Variants in PPL observed in about 807,000 individuals in gnomAD.
PPL encodes the protein periplakin.
A neutral mutation model predicts 194.4 loss-of-function variants in PPL; 198 were observed. That is an observed-to-expected ratio of 1.02 (90% CI 0.91 to 1.15). PPL has a LOEUF of 1.15. Ranked by LOEUF, PPL falls within the 50% of genes most tolerant of loss-of-function variation. PPL has a pLI of 0.00. For missense variants in PPL, 2,885 were observed against 2,294.8 expected (o/e 1.26, Z -5.25); for synonymous variants, 1,220 against 972.4 (o/e 1.25, Z -4.74).
At chr16:4,926,261 C>A (rs774066099) in intron 1 of PPL, among the ~76,000 whole-genome samples, 1 of 152,172 alleles carries the variant, frequency 6.6e-6, no homozygotes, top group Non-Finnish European at 1.5e-5. Flanking sequence ...ACTGCTGCAG[C>A]CCCAACTGGG....
chr16:4,924,475 A>T (rs1362893584), intron 1 of PPL, among the ~76,000 whole-genome samples: 1 of 152,146 alleles, frequency 6.6e-6, no homozygotes, highest in Non-Finnish European at 1.5e-5. Flanking sequence ...AGGAAAGCTG[A>T]TGGGCGCTCA....
intron 1 of PPL, among the ~76,000 whole-genome samples, chr16:4,923,131 G>C (rs1029562660): frequency 1.3e-5 from 2 of 152,192 alleles, no homozygotes; most frequent in African/African-American, 2.4e-5. Context: ...AACTGCAGAA[G>C]GGGAGGGTGG....
intron 20 of PPL, among the ~76,000 whole-genome samples, chr16:4,887,887 C>G (rs562194941): frequency 2.6e-5 from 4 of 152,212 alleles, no homozygotes; most frequent in Non-Finnish European, 5.9e-5. Flanking sequence ...TGAGCCACTG[C>G]GCCCGGCCTT....
chr16:4,901,168 G>T (rs1273703083), intron 4 of PPL, 79 bp from the exon 5 acceptor site: 9 of 1,508,104 alleles, frequency 6.0e-6, no homozygotes, highest in Non-Finnish European at 8.1e-6. Context: ...GGAGCCTCGG[G>T]GGTGGGCATG....
In PPL at chr16:4,889,294, G is replaced by A. The variant is rs548891202; in HGVS notation, c.2314-233C>T. Among the ~76,000 whole-genome samples the A allele has an allele frequency of 4.3e-5, 5 of 115,928 alleles. No homozygotes were observed. In the East Asian group the frequency reaches 8.1e-4, roughly 19 times the overall value. 76.1% of individuals were successfully genotyped at this position (115,928 alleles called of 152,430 possible). The stretch of plus-strand genomic sequence containing the variant: ...TTTTTTGAGACAGTCTCACTGCATC[G>A]CCCAGGCTGGAGTACAGTGGCGCGA... On this transcript the variant is annotated intron_variant, in intron 18 of 21. Transcript: ENST00000345988.
chr16:4,891,737 G>C, intron 16 of PPL, 74 bp downstream of exon 16: 2 of 1,518,050 alleles, frequency 1.3e-6, no homozygotes, highest in South Asian at 1.3e-5. Context: ...CATCTATCCA[G>C]ACGGGCGGGT....
At position 4,902,434 on chromosome 16, in the gene PPL, T is replaced by G. The variant is rs766117607; in HGVS notation, c.410A>C (p.Asn137Thr). 10 of 1,614,104 alleles carry G rather than the reference T, an allele frequency of 6.2e-6. No individual in the cohort carries two copies. The highest frequency in any genetic ancestry group is 5.5e-5 in the South Asian group (5 of 91,046). The change falls in exon 4 of 22, where the codon AAC (asparagine) becomes ACC (threonine). Residue 137 changes from asparagine to threonine, a missense_variant. Asn to Thr is a moderately conservative substitution (Grantham distance 65, BLOSUM62 0). Transcript: ENST00000345988. The surrounding 1 kb of genome is among the most constrained non-coding windows in gnomAD (Gnocchi z 4.0). Reference sequence around the variant, plus strand: ...CTTCTCCTCCACCAGTGCCGCCCAGTTGACCTGTGGATCCACTTCCTTCAC... The same window carrying G: ...CTTCTCCTCCACCAGTGCCGCCCAGGTGACCTGTGGATCCACTTCCTTCAC... ...LAVKEVDPQV[N>T]WAALVEEKLD... is the part of the protein sequence containing the mutation.
chr16:4,887,594 C>G (rs753071861), intron 20 of PPL, among the ~76,000 whole-genome samples: 31 of 152,258 alleles, frequency 2.0e-4, no homozygotes, highest in South Asian at 4.1e-4. Context: ...CACTTCTGTT[C>G]AGCTGCATTT....
chr16:4,884,734 C>G lies in PPL; in HGVS notation c.3921G>C (p.Glu1307Asp). The change falls in exon 22 of 22, where the codon GAG (glutamate) becomes GAC (aspartate). Residue 1307 changes from glutamate to aspartate, a missense_variant. Glu to Asp is a conservative substitution (Grantham distance 45). Transcript: ENST00000345988. This position sits in a 1 kb window ranked among gnomAD's most constrained non-coding sequence, Gnocchi z 5.7. Reference sequence around the variant, plus strand: ...AGAGCTTTGCCCTCAGAGACGCCACCTCCTCCTTGGTTTGAGGGTCTTCTT... The same window carrying G: ...AGAGCTTTGCCCTCAGAGACGCCACGTCCTCCTTGGTTTGAGGGTCTTCTT... ...QFQEDPQTKE[E>D]VASLRAKLSE... 1 of 1,614,210 alleles carries G rather than the reference C, an allele frequency of 6.2e-7. No individual in the cohort carries two copies. Among genetic ancestry groups the G allele is most frequent in the East Asian group, 2.2e-5 (1 of 44,880 alleles).
rs572738884 is a variant in PPL, at chr16:4,914,521, T to C, written c.63-3572A>G. On this transcript the variant is annotated intron_variant, in intron 1 of 21. Transcript: ENST00000345988. ...TTAAGGGCCAGCTTTGTGGCAGACC[T>C]GGATACACCGGAGCTGGGGGATCTT... 3.9e-5 allele frequency among the ~76,000 whole-genome samples: 6 copies of C among 152,274 alleles called. No individual in the cohort carries two copies. In the South Asian group the frequency reaches 1.2e-3, roughly 32 times the overall value.
chr16:4,919,022 G>C (rs939765262), intron 1 of PPL, among the ~76,000 whole-genome samples: 2 of 152,176 alleles, frequency 1.3e-5, no homozygotes, highest in East Asian at 3.9e-4. Context: ...TGCAGACACA[G>C]ACAGCAGCCA....
In PPL at chr16:4,897,786, G is replaced by A; in HGVS notation, c.877-16C>T. 1 of 1,609,512 alleles carries A rather than the reference G, an allele frequency of 6.2e-7. No homozygotes were observed. Among genetic ancestry groups the A allele is most frequent in the Non-Finnish European group, 8.5e-7 (1 of 1,176,608 alleles). On this transcript the variant is annotated splice_polypyrimidine_tract_variant and intron_variant, in intron 8 of 21. Coordinates refer to ENST00000345988, the MANE Select transcript of PPL (RefSeq NM_002705.5). ...CCATGTGCGCCTGCCAGGAAGAGAA[G>A]GGGCCGGTCACCACTGGGCAGGTAC...
intron 1 of PPL, among the ~76,000 whole-genome samples, chr16:4,911,885 G>A (rs2088826949): frequency 6.6e-6 from 1 of 151,840 alleles, no homozygotes; most frequent in South Asian, 2.1e-4. Context: ...CACCCAGACT[G>A]GAGTGCAGTG....
chr16:4,883,542 C>T lies in PPL; in HGVS notation c.5113G>A (p.Gly1705Arg), dbSNP rs2088142298. Residue 1705 changes from glycine (G) to arginine (R), a missense_variant, in exon 22 of 22, where the codon GGG becomes AGG. By Grantham distance (125) the Gly-to-Arg change is moderately radical. Transcript: ENST00000345988. This position sits in a 1 kb window ranked among gnomAD's most constrained non-coding sequence, Gnocchi z 4.8. ...CTGTCGTGTATCACTGAGGACTCCC[C>T]ATTGGGACCCTTCACTGAGATCTCC... The part of the protein sequence containing the change: ...WEEISVKGPN[G>R]ESSVIHDRKS... 1 of 1,614,080 alleles carries T rather than the reference C, an allele frequency of 6.2e-7. No homozygotes were observed. The highest frequency in any genetic ancestry group is 8.5e-7 in the Non-Finnish European group (1 of 1,180,026).
Position 4,937,107 on chromosome 16 carries a change from G to T in PPL, c.-62C>A, listed in dbSNP as rs1596597315. 18 of 1,127,874 alleles carry T rather than the reference G, an allele frequency of 1.6e-5. No individual in the cohort carries two copies. The highest frequency in any genetic ancestry group is 2.0e-5 in the Non-Finnish European group (18 of 912,600). The allele number at this position is 1,127,874 out of a possible 1,614,324, so 69.9% of individuals were successfully genotyped here. A position where few individuals can be genotyped will look rare whatever the true frequency, so the allele number is the denominator to read the frequency against. On this transcript the variant is annotated 5_prime_UTR_variant, in exon 1 of 22. Coordinates refer to ENST00000345988, the MANE Select transcript of PPL (RefSeq NM_002705.5). Reference sequence around the variant, plus strand: ...GCCGGGCGCGCACCGAGGGGCGGGCGGGAGCGCAGGTGAGCGAGCGGCGGC... The same window carrying T: ...GCCGGGCGCGCACCGAGGGGCGGGCTGGAGCGCAGGTGAGCGAGCGGCGGC...
Position 4,890,402 on chromosome 16 carries a change from T to C in PPL, c.2163-68A>G, listed in dbSNP as rs543528903. 2.7e-6 allele frequency: 4 copies of C among 1,480,766 alleles called. No homozygotes were observed. The Admixed American group carries it at 7.7e-5, about 28-fold the overall frequency. The allele number at this position is 1,480,766 out of a possible 1,614,324, so 91.7% of individuals were successfully genotyped here. On this transcript the variant is annotated intron_variant, in intron 17 of 21. Transcript: ENST00000345988. ...TGCCTCACCGAGCCCTCATTTTTTTTTTTAAAGTGGGAAACAACCAAATGT... is the reference window on the plus strand; with the variant it reads ...TGCCTCACCGAGCCCTCATTTTTTTCTTTAAAGTGGGAAACAACCAAATGT...
rs57847738 is a variant in PPL at position 4,907,079 on chromosome 16, T to TAAAAA, written c.163-3044_163-3040dup. ...GGGCAATATAGTGAGACCCTATCTC[T>TAAAAA]AAAAAAAAAAAAAAAAAAAAAAAAA... On this transcript the variant is annotated intron_variant, in intron 2 of 21. Transcript: ENST00000345988. 2.2e-4 allele frequency among the ~76,000 whole-genome samples: 17 copies of TAAAAA among 77,000 alleles called. 1 individual carries two copies. The highest frequency in any genetic ancestry group is 8.3e-4 in the African/African-American group (16 of 19,364). The allele number at this position is 77,000 out of a possible 152,430, so 50.5% of individuals were successfully genotyped here. A position where few individuals can be genotyped will look rare whatever the true frequency, so the allele number is the denominator to read the frequency against.
At chr16:4,899,884 C>T (rs1016539589) in intron 6 of PPL, among the ~76,000 whole-genome samples, 4 of 152,054 alleles carry the variant, frequency 2.6e-5, no homozygotes, top group Admixed American at 6.6e-5. Context: ...GTCTGAGAAG[C>T]GGGTGTGCAA....
At chr16:4,929,387 C>A (rs1000218709) in intron 1 of PPL, among the ~76,000 whole-genome samples, 2 of 152,110 alleles carry the variant, frequency 1.3e-5, no homozygotes, top group Non-Finnish European at 2.9e-5. Flanking sequence ...GGACTCAGGG[C>A]TTGCCTGCAG....
Sources: gnomAD v4.1 joint callset for allele counts (sites outside exome capture counted in the v4.1 genomes callset) on GRCh38, gnomAD v4.1.1 for gene constraint, Gnocchi (gnomAD v3.1) non-coding constraint, MANE v1.5 for transcripts, NCBI Gene and HGNC (gene_info 2026-07-23, HGNC 2026-07-21) for gene names.